The following FAM169A variants were observed in gnomAD, a reference collection of about 807,000 sequenced individuals.
FAM169A encodes family with sequence similarity 169 member A.
A neutral mutation model predicts 75.7 loss-of-function variants in FAM169A; 24 were observed. The ratio of observed to expected loss-of-function variants is 0.32; its 90% CI spans 0.23 to 0.45. FAM169A has a LOEUF of 0.45. FAM169A is among the 20% of genes least tolerant of loss of function. The pLI is 1.00. For missense variants in FAM169A, 673 were observed against 784.0 expected, an observed-to-expected ratio of 0.86 and a Z score of 1.69; for synonymous variants, 271 against 271.0, an observed-to-expected ratio of 1.00 and a Z score of 0.00.
At chr5:74,789,256 A>G (rs1745854265) in intron 11 of FAM169A, among the ~76,000 whole-genome samples, 1 of 152,218 alleles carries the variant, frequency 6.6e-6, no homozygotes, top group African/African-American at 2.4e-5. Flanking sequence ...CTTATTGATG[A>G]GACATTTGCA....
chr5:74,864,493 G>C (rs1403650185), intron 1 of FAM169A, among the ~76,000 whole-genome samples: 1 of 152,230 alleles, frequency 6.6e-6, no homozygotes, highest in Non-Finnish European at 1.5e-5. Flanking sequence ...CTCCCAAAGT[G>C]TTGGGAAAAC....
At chr5:74,839,738 G>A (rs1748761019) in intron 3 of FAM169A, among the ~76,000 whole-genome samples, 1 of 151,782 alleles carries the variant, frequency 6.6e-6, no homozygotes, top group Non-Finnish European at 1.5e-5. Context: ...TGGTCAGGCT[G>A]GTCTCAAACT....
chr5:74,842,661 T>A (rs1317241795), intron 1 of FAM169A, among the ~76,000 whole-genome samples: 5 of 151,562 alleles, frequency 3.3e-5, no homozygotes, highest in Non-Finnish European at 7.4e-5. Context: ...CCTCCCAAAG[T>A]GCTGGGATTA....
At chr5:74,847,382 A>G (rs1361515630) in intron 1 of FAM169A, among the ~76,000 whole-genome samples, 1 of 152,104 alleles carries the variant, frequency 6.6e-6, no homozygotes, top group Non-Finnish European at 1.5e-5. Context: ...AAATTATAGA[A>G]TAACTGTCCT....
In FAM169A at chr5:74,866,230, G is replaced by A. The variant is rs1265784758; in HGVS notation, c.-69C>T. 3.0e-6 allele frequency: 3 copies of A among 983,746 alleles called. No individual in the cohort carries two copies. The highest frequency in any genetic ancestry group is 3.6e-6 in the Non-Finnish European group (3 of 829,190). The allele number at this position is 983,746 out of a possible 1,614,324, so 60.9% of individuals were successfully genotyped here. A position where few individuals can be genotyped will look rare whatever the true frequency, so the allele number is the denominator to read the frequency against. On this transcript the variant is annotated 5_prime_UTR_variant, in exon 1 of 13. Transcript: ENST00000687041. ...GGAGGCGGAGCCGCGCGAATGAATG[G>A]AGCCGGCGGCTGCTCGCTGGCGACC...
chr5:74,842,420 C>CCAAA, intron 1 of FAM169A, among the ~76,000 whole-genome samples: 1 of 22,476 alleles, frequency 4.4e-5, no homozygotes, highest in Admixed American at 9.2e-4. Flanking sequence ...GACTCTATCA[C>CCAAA]AAAAAAAAAA....
At position 74,834,466 on chromosome 5, in the gene FAM169A, C is replaced by A. The variant is rs1268650341; in HGVS notation, c.450G>T (p.Lys150Asn). The change falls in exon 5 of 13, where the codon AAG (lysine) becomes AAT (asparagine). Residue 150 changes from lysine (K) to asparagine (N), a missense_variant. By Grantham distance (94) the Lys-to-Asn change is moderately conservative. This residue lies in a region of FAM169A where 107 missense variants were observed against 180.8 expected (regional missense o/e 0.59). Coordinates refer to ENST00000687041, the MANE Select transcript of FAM169A (RefSeq NM_001376049.1). ...SSTDYAKILW[K>N]KGEAIGFYSV... ...AATAAAACCCAATGGCCTCTCCTTT[C>A]TTCCACAGAATCTTAGCATAATCAG... The A allele has an allele frequency of 3.2e-6, 5 of 1,574,754 alleles. No homozygotes were observed. Among genetic ancestry groups the A allele is most frequent in the Non-Finnish European group, 4.3e-6 (5 of 1,158,926 alleles).
chr5:74,828,387 A>G (rs1341206646), intron 5 of FAM169A, among the ~76,000 whole-genome samples: 1 of 152,028 alleles, frequency 6.6e-6, no homozygotes, highest in African/African-American at 2.4e-5. Context: ...CCTTTTTACA[A>G]CTCCAGATTA....
intron 5 of FAM169A, among the ~76,000 whole-genome samples, chr5:74,816,880 G>A (rs748577480): frequency 3.9e-5 from 6 of 152,098 alleles, no homozygotes; most frequent in Non-Finnish European, 8.8e-5. Flanking sequence ...TCCAAATGCT[G>A]ATGACTACTA....
At chr5:74,800,059 G>C in intron 10 of FAM169A, 1 of 713,368 alleles carries the variant, frequency 1.4e-6, no homozygotes, top group Non-Finnish European at 2.6e-6. Flanking sequence ...TGACAATTTG[G>C]GATTTCAAGG....
chr5:74,804,717 C>T (rs912237359), intron 7 of FAM169A, 112 bp from the exon 8 acceptor site: 13 of 550,468 alleles, frequency 2.4e-5, no homozygotes, highest in African/African-American at 1.3e-4. Flanking sequence ...AGAAGGGTCA[C>T]GAAAATCTAG....
intron 1 of FAM169A, among the ~76,000 whole-genome samples, chr5:74,863,750 C>A (rs1460767279): frequency 6.6e-6 from 1 of 152,126 alleles, no homozygotes; most frequent in Non-Finnish European, 1.5e-5. Flanking sequence ...CAAAAGCACA[C>A]CAAGATCACT....
At position 74,841,633 on chromosome 5, in the gene FAM169A, T is replaced by A; in HGVS notation, c.44A>T (p.Glu15Val). ...GTAATCTTCAGCAGAATTTTCCAAT[T>A]CCTCATGGCTGCAATTTTCCAGCAT... ...VDMLENCSHE[E>V]LENSAEDYMS... Residue 15 changes from glutamate (E) to valine (V), a missense_variant, in exon 2 of 13, where the codon GAA becomes GTA. Transcript: ENST00000687041. 6.2e-7 allele frequency: 1 copy of A among 1,613,164 alleles called. No individual in the cohort carries two copies. Among genetic ancestry groups the A allele is most frequent in the South Asian group, 1.1e-5 (1 of 91,064 alleles).
intron 11 of FAM169A, among the ~76,000 whole-genome samples, chr5:74,789,479 G>T (rs1446224586): frequency 6.6e-6 from 1 of 152,194 alleles, no homozygotes; most frequent in Non-Finnish European, 1.5e-5. Context: ...ATTTGGTTGT[G>T]TTACTCCAGC....
chr5:74,795,260 A>G (rs950743576), intron 11 of FAM169A, among the ~76,000 whole-genome samples: 2 of 152,218 alleles, frequency 1.3e-5, no homozygotes, highest in African/African-American at 4.8e-5. Context: ...CTCCGTCTCA[A>G]AAAGAAAAAG....
chr5:74,817,854 C>G (rs1330790790), intron 5 of FAM169A, among the ~76,000 whole-genome samples: 1 of 152,008 alleles, frequency 6.6e-6, no homozygotes, highest in African/African-American at 2.4e-5. Context: ...AATAAACTTT[C>G]GTATTTATGG....
intron 6 of FAM169A, among the ~76,000 whole-genome samples, chr5:74,807,524 T>C (rs1746952895): frequency 1.3e-5 from 2 of 152,172 alleles, no homozygotes; most frequent in Admixed American, 6.5e-5. Context: ...TTTTGTACCA[T>C]CATAAAATCA....
At chr5:74,861,128 T>G (rs1750015123) in intron 1 of FAM169A, among the ~76,000 whole-genome samples, 1 of 152,226 alleles carries the variant, frequency 6.6e-6, no homozygotes, top group South Asian at 2.1e-4. Flanking sequence ...AGAGTGAGGC[T>G]CCTTTTCAAA....
chr5:74,839,925 T>C, intron 3 of FAM169A, 149 bp downstream of exon 3: 1 of 549,310 alleles, frequency 1.8e-6, no homozygotes, highest in South Asian at 3.0e-5. Context: ...CATGTAGCTA[T>C]AAGCAATTAA....
Sources: gnomAD v4.1 joint callset for allele counts (sites outside exome capture counted in the v4.1 genomes callset) on GRCh38, gnomAD v4.1.1 for gene constraint, gnomAD v4.1.1 regional missense constraint, MANE v1.5 for transcripts, NCBI Gene and HGNC (gene_info 2026-07-23, HGNC 2026-07-21) for gene names.